TMEM219: variants seen among roughly 807,000 people sequenced by gnomAD.
TMEM219 encodes the protein transmembrane protein 219.
In TMEM219, 18 loss-of-function variants were observed where a neutral mutation model predicts 17.9. The observed-to-expected ratio is 1.01, with a 90% CI of 0.70 to 1.49. The LOEUF (loss-of-function observed/expected upper bound fraction) is 1.49, where lower values mean the gene tolerates loss of function less well. TMEM219 is among the 40% of genes most tolerant of loss of function. TMEM219 has a pLI of 0.00. For synonymous variants in TMEM219, 113 were observed against 124.0 expected (o/e 0.91, Z 0.59); for missense variants, 288 against 292.4 (o/e 0.99, Z 0.11).
chr16:29,969,042 G>A (rs1445925949), intron 4 of TMEM219, among the ~76,000 whole-genome samples: 3 of 152,100 alleles, frequency 2.0e-5, no homozygotes, highest in Non-Finnish European at 4.4e-5. Flanking sequence ...AAAGGCACCA[G>A]CATGCGCACA....
At chr16:29,965,811 C>T (rs112607964) in intron 3 of TMEM219, among the ~76,000 whole-genome samples, 2,676 of 152,298 alleles carry the variant, frequency 0.018, 72 homozygotes, top group African/African-American at 0.06. Flanking sequence ...GATCTCAGCT[C>T]ACTGAACCTC....
At position 29,962,141 on chromosome 16, in the gene TMEM219, G is replaced by C. The variant is rs1051558760; in HGVS notation, c.-38+9G>C. 1 of 152,068 alleles carries C rather than the reference G, an allele frequency of 6.6e-6. No homozygotes were observed. The highest frequency in any genetic ancestry group is 2.4e-5 in the African/African-American group (1 of 41,426). The allele number at this position is 152,068 out of a possible 1,614,324, so 9.4% of individuals were successfully genotyped here. A position where few individuals can be genotyped will look rare whatever the true frequency, so the allele number is the denominator to read the frequency against. ...CCGCCCGGCCCCGAGGGGTAAGAGC[G>C]AGCGGCTGGCGGATCCGACGCGCGA... On this transcript the variant is annotated intron_variant, in intron 1 of 5. Coordinates refer to ENST00000279396, the MANE Select transcript of TMEM219 (RefSeq NM_001083613.2).
chr16:29,963,311 A>G lies in TMEM219; in HGVS notation c.165+3A>G. ...TGCGCAGCCCTGACATCCCCCAGGT[A>G]AGTTCCCCACCCCCGTACCCGCTCT... On this transcript the variant is annotated splice_donor_region_variant and intron_variant, in intron 2 of 5. Coordinates refer to ENST00000279396, the MANE Select transcript of TMEM219 (RefSeq NM_001083613.2). The G allele has an allele frequency of 1.9e-6, 3 of 1,613,994 alleles. No homozygotes were observed. Among genetic ancestry groups the G allele is most frequent in the Non-Finnish European group, 2.5e-6 (3 of 1,179,972 alleles).
intron 5 of TMEM219, chr16:29,971,915 A>G (rs2069295053): frequency 5.8e-6 from 1 of 172,630 alleles, no homozygotes; most frequent in Non-Finnish European, 1.2e-5. Context: ...GAAACCCCCC[A>G]TGGTCCCTTC....
intron 3 of TMEM219, among the ~76,000 whole-genome samples, chr16:29,964,967 C>T (rs2069194744): frequency 6.6e-6 from 1 of 152,150 alleles, no homozygotes; most frequent in Non-Finnish European, 1.5e-5. Context: ...CTTTAGCCAC[C>T]TCCTCCTAGA....
intron 4 of TMEM219, among the ~76,000 whole-genome samples, chr16:29,969,685 GA>G (rs955798153): frequency 7.2e-4 from 108 of 148,978 alleles, no homozygotes; most frequent in Non-Finnish European, 1.3e-3. Flanking sequence ...TCTCAAGAAG[GA>G]AAAAAAAAGA....
At chr16:29,967,622 G>T (rs570355238) in intron 3 of TMEM219, among the ~76,000 whole-genome samples, 38 of 152,050 alleles carry the variant, frequency 2.5e-4, no homozygotes, top group South Asian at 4.2e-4. Flanking sequence ...AAAAAATAAA[G>T]AAAGAAAGAA....
Position 29,971,473 on chromosome 16 carries a change from C to T in TMEM219, c.651C>T (p.Gly217=). The change falls in exon 5 of 6, where the codon GGC becomes GGT. Residue 217 remains glycine, a synonymous_variant. Transcript: ENST00000279396. ...GCTCCTTCCTGCTTCTCTTCTGTGG[C>T]CTTCTCTGCTGTGTCACTGCTATGT... ...VLGSFLLLFC[G]LLCCVTAMCF... 3.1e-6 allele frequency: 5 copies of T among 1,614,140 alleles called. No homozygotes were observed. The highest frequency in any genetic ancestry group is 4.2e-6 in the Non-Finnish European group (5 of 1,180,024).
intron 4 of TMEM219, among the ~76,000 whole-genome samples, chr16:29,969,062 AT>A (rs1826650466): frequency 6.6e-6 from 1 of 152,136 alleles, no homozygotes; most frequent in African/African-American, 2.4e-5. Context: ...AGGCCTAGAG[AT>A]TGAAAAGTGT....
intron 4 of TMEM219, 47 bp downstream of exon 4, chr16:29,968,301 A>G: frequency 6.8e-7 from 1 of 1,471,660 alleles, no homozygotes; most frequent in Non-Finnish European, 9.5e-7. Context: ...CTGCCTGCTG[A>G]CTACTGTATC....
At chr16:29,965,747 G>T (rs146885085) in intron 3 of TMEM219, among the ~76,000 whole-genome samples, 119 of 151,762 alleles carry the variant, frequency 7.8e-4, no homozygotes, top group African/African-American at 2.2e-3. Context: ...CCTAATTCCC[G>T]CCCCCCAGCC....
intron 4 of TMEM219, among the ~76,000 whole-genome samples, chr16:29,970,260 A>G (rs1018565874): frequency 1.3e-5 from 2 of 150,648 alleles, no homozygotes; most frequent in African/African-American, 4.9e-5. Context: ...AAAAGACCCC[A>G]TGAGGAGCAC....
At chr16:29,969,881 G>GGGTGGAGAATGGCTGAGTGGA (rs1205319775) in intron 4 of TMEM219, among the ~76,000 whole-genome samples, 1 of 152,094 alleles carries the variant, frequency 6.6e-6, no homozygotes, top group Non-Finnish European at 1.5e-5. Context: ...CCCTGGTGCT[G>GGGTGGAGAATGGCTGAGTGGA]GGTGGAGAAT....
chr16:29,971,625 G>T, intron 5 of TMEM219, 47 bp downstream of exon 5: 1 of 1,464,892 alleles, frequency 6.8e-7, no homozygotes. Context: ...ATGGGGTGGG[G>T]GTGGGGGTTG....
intron 4 of TMEM219, among the ~76,000 whole-genome samples, chr16:29,969,196 T>TG (rs2069250384): frequency 6.9e-6 from 1 of 144,988 alleles, no homozygotes; most frequent in East Asian, 2.0e-4. Flanking sequence ...TTTTCGCTTT[T>TG]TTTTTTTTTT....
At chr16:29,965,681 T>C (rs913735748) in intron 3 of TMEM219, among the ~76,000 whole-genome samples, 2 of 151,872 alleles carry the variant, frequency 1.3e-5, no homozygotes, top group African/African-American at 4.8e-5. Flanking sequence ...CAGTAAACAT[T>C]CTCCTGCCTC....
rs1238669128 is a variant in TMEM219 at position 29,972,975 on chromosome 16, G to A, written c.*59G>A. ...GTGTGAATCAACTTCTTGGGCCTTG[G>A]CTCTGAGTTGGAAAAGGTTTTAGAA... On this transcript the variant is annotated 3_prime_UTR_variant, in exon 6 of 6. Transcript: ENST00000279396. The A allele has an allele frequency of 6.6e-6, 1 of 152,152 alleles. No homozygotes were observed. Among genetic ancestry groups the A allele is most frequent in the Non-Finnish European group, 1.5e-5 (1 of 68,034 alleles). The allele number at this position is 152,152 out of a possible 1,614,324, so 9.4% of individuals were successfully genotyped here.
intron 4 of TMEM219, among the ~76,000 whole-genome samples, chr16:29,969,807 T>TCCTGCA (rs1399988138): frequency 1.3e-5 from 2 of 152,178 alleles, no homozygotes; most frequent in East Asian, 3.9e-4. Flanking sequence ...GATAGAGGGC[T>TCCTGCA]ATGACCTGAT....
chr16:29,967,876 G>A (rs1023778387), intron 3 of TMEM219, 149 bp from the exon 4 acceptor site: 12 of 610,136 alleles, frequency 2.0e-5, no homozygotes, highest in African/African-American at 5.6e-5. Context: ...GCAGTGAGCC[G>A]AGATTGCGCC....
Sources: allele counts gnomAD v4.1 joint callset (sites outside exome capture counted in the v4.1 genomes callset), GRCh38; gene constraint gnomAD v4.1.1; transcripts MANE v1.5; gene names NCBI Gene and HGNC (gene_info 2026-07-23, HGNC 2026-07-21).